TAF4B: variants seen among roughly 807,000 people sequenced by gnomAD.
TAF4B encodes transcription initiation factor TFIID subunit 4B.
TAF4B carries 38 observed loss-of-function variants against 86.4 expected under a neutral mutation model. The ratio of observed to expected loss-of-function variants is 0.44; its 90% CI spans 0.34 to 0.58. TAF4B has a LOEUF of 0.58. Among genes scored for constraint, TAF4B ranks in the 20% least tolerant of loss-of-function variants. The probability of loss-of-function intolerance (pLI) is 0.02; values close to 1 mark genes in which losing one functional copy is unlikely to be tolerated. For synonymous variants in TAF4B, 388 were observed against 391.2 expected (o/e 0.99, Z 0.10); for missense variants, 988 against 1,027.6 (o/e 0.96, Z 0.53).
At chr18:26,344,319 A>G (rs769794549) in intron 13 of TAF4B, among the ~76,000 whole-genome samples, 4 of 151,854 alleles carry the variant, frequency 2.6e-5, no homozygotes, top group Admixed American at 6.6e-5. Flanking sequence ...AATAATTACA[A>G]TGACTAGATT....
intron 9 of TAF4B, among the ~76,000 whole-genome samples, chr18:26,301,915 A>AATC: frequency 6.6e-6 from 1 of 152,228 alleles, no homozygotes; most frequent in South Asian, 2.1e-4. Flanking sequence ...CCACGTCAAG[A>AATC]ATCAGCATGT....
Position 26,227,216 on chromosome 18 carries a change from G to T in TAF4B, c.283G>T (p.Ala95Ser). 6.2e-7 allele frequency: 1 copy of T among 1,613,860 alleles called. No individual in the cohort carries two copies. The highest frequency in any genetic ancestry group is 8.5e-7 in the Non-Finnish European group (1 of 1,179,910). ...TAGGCTGCCTGCTCCTCAGATAGTC[G>T]CCGTGAAAGCCCCCAACACCACGAC... ...GPRLPAPQIVAVKAPNTTTIQ... is the reference protein window; with the variant it reads ...GPRLPAPQIVSVKAPNTTTIQ... The change falls in exon 1 of 15, where the codon GCC (alanine) becomes TCC (serine). Residue 95 changes from alanine to serine, a missense_variant. Ala to Ser is a moderately conservative substitution (Grantham distance 99). This residue lies in a region of TAF4B where 747 missense variants were observed against 737.9 expected (regional missense o/e 1.01). Transcript: ENST00000269142.
rs139331774 is a variant in TAF4B at position 26,267,146 on chromosome 18, T to A, written c.490-370T>A. 419 of 157,678 alleles carry A rather than the reference T, an allele frequency of 2.7e-3. 1 individual carries two copies. The highest frequency in any genetic ancestry group is 9.5e-3 in the African/African-American group (396 of 41,684). 9.8% of individuals were successfully genotyped at this position (157,678 alleles called of 1,614,324 possible). On this transcript the variant is annotated intron_variant, in intron 2 of 14. Transcript: ENST00000269142. ...CTAGTTTGGTTTAACTGCTGTGGGT[T>A]GAGAATGTAGATTAGCAGGTTTTTG...
chr18:26,315,112 C>CTA, intron 9 of TAF4B, 117 bp from the exon 10 acceptor site: 3 of 231,338 alleles, frequency 1.3e-5, no homozygotes, highest in East Asian at 1.4e-4. Flanking sequence ...CTCTCTCTCT[C>CTA]TCTCTCTCTC....
intron 14 of TAF4B, among the ~76,000 whole-genome samples, chr18:26,379,231 GTCT>G (rs2057462170): frequency 6.6e-6 from 1 of 152,032 alleles, no homozygotes; most frequent in African/African-American, 2.4e-5. Flanking sequence ...ATTTATCATT[GTCT>G]TCTTTTATAA....
intron 1 of TAF4B, among the ~76,000 whole-genome samples, chr18:26,261,199 T>TTTTA (rs1491238738): frequency 7.5e-6 from 1 of 133,562 alleles, no homozygotes; most frequent in Non-Finnish European, 1.6e-5. Flanking sequence ...TTTTTTTTTT[T>TTTTA]GAGACGGAGT....
intron 1 of TAF4B, chr18:26,255,975 C>T (rs1372946770): frequency 2.3e-6 from 3 of 1,315,982 alleles, no homozygotes; most frequent in Non-Finnish European, 2.2e-6. Context: ...AGCTGGGAGG[C>T]ACTGGAGGTG....
At chr18:26,330,083 A>T in intron 12 of TAF4B, among the ~76,000 whole-genome samples, 1 of 152,278 alleles carries the variant, frequency 6.6e-6, no homozygotes, top group Non-Finnish European at 1.5e-5. Flanking sequence ...CCAATATCCA[A>T]TTCCTCATCA....
At chr18:26,296,542 T>G (rs1041679590) in intron 9 of TAF4B, among the ~76,000 whole-genome samples, 1 of 152,164 alleles carries the variant, frequency 6.6e-6, no homozygotes, top group African/African-American at 2.4e-5. Context: ...GGGATTTGTT[T>G]TTTTTTCCTT....
At chr18:26,353,009 A>C (rs989048310) in intron 13 of TAF4B, among the ~76,000 whole-genome samples, 3 of 152,228 alleles carry the variant, frequency 2.0e-5, no homozygotes, top group Non-Finnish European at 2.9e-5. Flanking sequence ...AGAAGAATTA[A>C]TACCACTTCT....
chr18:26,232,056 T>G (rs149929759), intron 1 of TAF4B, among the ~76,000 whole-genome samples: 150 of 152,240 alleles, frequency 9.9e-4, no homozygotes, highest in African/African-American at 3.3e-3. Context: ...TTTTACAGAG[T>G]GCTGGTTGGT....
At chr18:26,233,605 C>T (rs924733947) in intron 1 of TAF4B, among the ~76,000 whole-genome samples, 1 of 152,168 alleles carries the variant, frequency 6.6e-6, no homozygotes, top group African/African-American at 2.4e-5. Flanking sequence ...GGTTGCGCTG[C>T]ATGCATAAAG....
chr18:26,229,964 A>AAAAAT (rs1555669580), intron 1 of TAF4B, among the ~76,000 whole-genome samples: 1 of 149,452 alleles, frequency 6.7e-6, no homozygotes, highest in African/African-American at 2.5e-5. Context: ...TTAAAAAAAA[A>AAAAAT]ATATATATAT....
intron 13 of TAF4B, among the ~76,000 whole-genome samples, chr18:26,351,579 G>T (rs1378344628): frequency 6.6e-6 from 1 of 152,048 alleles, no homozygotes; most frequent in Non-Finnish European, 1.5e-5. Context: ...TGATCACTGT[G>T]TATGTATTGC....
Position 26,285,956 on chromosome 18 carries a change from T to G in TAF4B, c.1047T>G (p.Ser349=). 6.2e-7 allele frequency: 1 copy of G among 1,614,222 alleles called. No individual in the cohort carries two copies. The highest frequency in any genetic ancestry group is 8.5e-7 in the Non-Finnish European group (1 of 1,180,020). Reference sequence around the variant, plus strand: ...TCCAGCAATGTGTTCAGCAGACTTCTAGTGACATGGTCATTGCTACCTGTA... The same window carrying G: ...TCCAGCAATGTGTTCAGCAGACTTCGAGTGACATGGTCATTGCTACCTGTA... ...SFIQQCVQQT[S]SDMVIATCTT... is the part of the protein sequence containing the mutation. The change falls in exon 7 of 15, where the codon TCT becomes TCG. Residue 349 remains serine, a synonymous_variant. Transcript: ENST00000269142.
intron 9 of TAF4B, among the ~76,000 whole-genome samples, chr18:26,293,881 AT>A (rs1278849653): frequency 6.6e-6 from 1 of 152,160 alleles, no homozygotes; most frequent in Non-Finnish European, 1.5e-5. Flanking sequence ...TGAACTTCAC[AT>A]AAATGGAGTT....
At chr18:26,252,240 A>G (rs1416471926) in intron 1 of TAF4B, among the ~76,000 whole-genome samples, 1 of 152,202 alleles carries the variant, frequency 6.6e-6, no homozygotes. Context: ...TGTTAAATTT[A>G]TCCTTGAAGT....
chr18:26,319,088 G>T (rs1177388507), intron 10 of TAF4B, among the ~76,000 whole-genome samples: 1 of 152,172 alleles, frequency 6.6e-6, no homozygotes, highest in Non-Finnish European at 1.5e-5. Context: ...TAGCTACTCA[G>T]CAGGCTGAGG....
intron 14 of TAF4B, among the ~76,000 whole-genome samples, chr18:26,361,957 A>G (rs1281350710): frequency 6.6e-6 from 1 of 152,050 alleles, no homozygotes; most frequent in Non-Finnish European, 1.5e-5. Flanking sequence ...CTTTGTTAGC[A>G]TACATTTTAT....
Sources: allele counts gnomAD v4.1 joint callset (sites outside exome capture counted in the v4.1 genomes callset), GRCh38; gene constraint gnomAD v4.1.1; regional missense constraint gnomAD v4.1.1; transcripts MANE v1.5; gene names NCBI Gene and HGNC (gene_info 2026-07-23, HGNC 2026-07-21).